MIX23: variants seen among roughly 807,000 people sequenced by gnomAD.
The protein encoded by MIX23 is mitochondrial matrix import factor 23, also known as protein MIX23.
Under a neutral mutation model 21.6 loss-of-function variants are expected in MIX23, and 13 were observed. The observed-to-expected ratio is 0.60, with a 90% CI of 0.39 to 0.96. The LOEUF is 0.96. Among genes scored for constraint, MIX23 ranks in the 40% least tolerant of loss-of-function variants. The pLI is 0.00. For synonymous variants in MIX23, 59 were observed against 58.0 expected (o/e 1.02, Z -0.08); for missense variants, 144 against 171.2 (o/e 0.84, Z 0.89).
At chr3:122,375,639 T>C (rs1406826071) in intron 1 of MIX23, among the ~76,000 whole-genome samples, 3 of 152,202 alleles carry the variant, frequency 2.0e-5, no homozygotes, top group Non-Finnish European at 4.4e-5. Flanking sequence ...CAGCCTTCTT[T>C]TGTGTTATGT....
At chr3:122,367,365 T>C (rs1229047718) in intron 3 of MIX23, among the ~76,000 whole-genome samples, 3 of 152,212 alleles carry the variant, frequency 2.0e-5, no homozygotes, top group African/African-American at 7.2e-5. Context: ...AAATCCCACA[T>C]AATAAAATAT....
Position 122,364,973 on chromosome 3 carries a change from C to T in MIX23, c.325-1946G>A, listed in dbSNP as rs1344754624. ...GTAGGTGGGATTTATTTCCTCAGAG[C>T]TGTCTGCCTTTGGATTATTTTTTAA... On this transcript the variant is annotated intron_variant, in intron 3 of 4. Coordinates refer to ENST00000291458, the MANE Select transcript of MIX23 (RefSeq NM_001017928.4). Among the ~76,000 whole-genome samples, 3 of 152,294 alleles carry T rather than the reference C, an allele frequency of 2.0e-5. No individual in the cohort carries two copies. The East Asian group carries it at 5.8e-4, about 29-fold the overall frequency.
At chr3:122,379,338 G>A (rs555891058) in intron 1 of MIX23, among the ~76,000 whole-genome samples, 2 of 152,292 alleles carry the variant, frequency 1.3e-5, no homozygotes, top group Admixed American at 1.3e-4. Context: ...AATGAGACAG[G>A]AAGTGATTTC....
intron 2 of MIX23, 28 bp downstream of exon 2, chr3:122,371,647 A>C (rs774431793): frequency 1.2e-6 from 2 of 1,610,454 alleles, no homozygotes; most frequent in Non-Finnish European, 1.7e-6. Context: ...GGCATGAAAG[A>C]AGCAAAAGAC....
At chr3:122,368,357 A>AC in intron 2 of MIX23, 35 bp from the exon 3 acceptor site, 1 of 1,540,354 alleles carries the variant, frequency 6.5e-7, no homozygotes, top group Non-Finnish European at 8.7e-7. Context: ...AGAAAAAAAA[A>AC]CTGCATAAAT....
chr3:122,363,101 G>C lies in MIX23; in HGVS notation c.325-74C>G, dbSNP rs1390909011. ...AAAAACTGAAGTTATAAAATTTAAA[G>C]AGCTAAAACCACACTCATGTTTACC... On this transcript the variant is annotated intron_variant, in intron 3 of 4. Coordinates refer to ENST00000291458, the MANE Select transcript of MIX23 (RefSeq NM_001017928.4). The C allele has an allele frequency of 3.9e-6, 5 of 1,267,492 alleles. No individual in the cohort carries two copies. The African/African-American group carries it at 6.1e-5, about 15-fold the overall frequency. The allele number at this position is 1,267,492 out of a possible 1,614,324, so 78.5% of individuals were successfully genotyped here.
chr3:122,377,159 T>A (rs1393258515), intron 1 of MIX23, among the ~76,000 whole-genome samples: 1 of 152,120 alleles, frequency 6.6e-6, no homozygotes, highest in Non-Finnish European at 1.5e-5. Context: ...CCAGCCTGGG[T>A]GACAAAGCGA....
intron 3 of MIX23, among the ~76,000 whole-genome samples, chr3:122,363,705 G>A (rs890788327): frequency 3.3e-5 from 5 of 151,702 alleles, no homozygotes; most frequent in Non-Finnish European, 7.4e-5. Context: ...AAAGGCATGC[G>A]TTTCCTCACA....
At chr3:122,374,044 A>G (rs2075463586) in intron 1 of MIX23, among the ~76,000 whole-genome samples, 1 of 152,070 alleles carries the variant, frequency 6.6e-6, no homozygotes, top group African/African-American at 2.4e-5. Context: ...CCAAAAAAAA[A>G]AATAGGTAAG....
chr3:122,362,905 G>C, intron 4 of MIX23, 63 bp downstream of exon 4: 3 of 1,345,902 alleles, frequency 2.2e-6, no homozygotes, highest in Non-Finnish European at 3.2e-6. Flanking sequence ...CCCCTCCCTT[G>C]GTTTCCCTTT....
intron 2 of MIX23, among the ~76,000 whole-genome samples, chr3:122,368,891 T>C (rs1175605902): frequency 6.6e-6 from 1 of 152,210 alleles, no homozygotes; most frequent in Non-Finnish European, 1.5e-5. Context: ...TAAGTATTGA[T>C]AAGGAAAACT....
At chr3:122,378,642 A>G (rs771228315) in intron 1 of MIX23, among the ~76,000 whole-genome samples, 13 of 152,228 alleles carry the variant, frequency 8.5e-5, no homozygotes, top group Admixed American at 2.0e-4. Flanking sequence ...ATACTTGTGT[A>G]TCTAAATATA....
chr3:122,380,282 A>G (rs1454779011), intron 1 of MIX23, among the ~76,000 whole-genome samples: 1 of 152,160 alleles, frequency 6.6e-6, no homozygotes, highest in Non-Finnish European at 1.5e-5. Context: ...TCCCTTTTAC[A>G]TGATGCTCTT....
chr3:122,361,291 T>A (rs760885814), intron 4 of MIX23, among the ~76,000 whole-genome samples: 73 of 152,250 alleles, frequency 4.8e-4, no homozygotes, highest in South Asian at 1.0e-3. Context: ...ATATAGACTC[T>A]GTCTAGCCCT....
chr3:122,370,780 C>G (rs1351525615), intron 2 of MIX23, among the ~76,000 whole-genome samples: 2 of 152,174 alleles, frequency 1.3e-5, no homozygotes, highest in Non-Finnish European at 2.9e-5. Flanking sequence ...CCTGTCGACT[C>G]CCAATACTGA....
chr3:122,363,890 A>T (rs2075377684), intron 3 of MIX23, among the ~76,000 whole-genome samples: 1 of 152,206 alleles, frequency 6.6e-6, no homozygotes, highest in Non-Finnish European at 1.5e-5. Context: ...AAGGGGAAAA[A>T]GCTGGCTAGT....
At chr3:122,367,282 T>G (rs2075403926) in intron 3 of MIX23, among the ~76,000 whole-genome samples, 1 of 152,272 alleles carries the variant, frequency 6.6e-6, no homozygotes, top group Middle Eastern at 3.4e-3. Context: ...TTCTTACAAC[T>G]TTTTGGTAAG....
chr3:122,368,339 A>G lies in MIX23; in HGVS notation c.178-17T>C, dbSNP rs748876955. 5.1e-6 allele frequency: 8 copies of G among 1,556,170 alleles called. No homozygotes were observed. Among genetic ancestry groups the G allele is most frequent in the Admixed American group, 2.2e-5 (1 of 45,178 alleles). ...TGCCATCAACTAAAAGAACAAAGGA[A>G]TGAAAGGAGAAAAAAAAACTGCATA... On this transcript the variant is annotated splice_polypyrimidine_tract_variant and intron_variant, in intron 2 of 4. Transcript: ENST00000291458.
intron 3 of MIX23, among the ~76,000 whole-genome samples, chr3:122,364,904 G>A (rs2075385766): frequency 6.6e-6 from 1 of 152,102 alleles, no homozygotes; most frequent in African/African-American, 2.4e-5. Flanking sequence ...TTCAAAATCA[G>A]ACTTTTCAGA....
Sources: gnomAD v4.1 joint callset for allele counts (sites outside exome capture counted in the v4.1 genomes callset) on GRCh38, gnomAD v4.1.1 for gene constraint, MANE v1.5 for transcripts, NCBI Gene and HGNC (gene_info 2026-07-23, HGNC 2026-07-21) for gene names.